The following RBFOX1 variants were observed in gnomAD, a reference collection of about 807,000 sequenced individuals.
RBFOX1 encodes RNA binding fox-1 homolog 1.
RBFOX1 carries 8 observed loss-of-function variants against 57.7 expected under a neutral mutation model. That is an observed-to-expected ratio of 0.14 (90% CI 0.08 to 0.25). The LOEUF is 0.25. Among genes scored for constraint, RBFOX1 ranks in the 10% least tolerant of loss-of-function variants. RBFOX1 has a pLI of 1.00. For missense variants in RBFOX1, 611 were observed against 548.5 expected (o/e 1.11, Z -1.14); for synonymous variants, 326 against 222.4 (o/e 1.47, Z -4.15).
chr16:7,148,402 T>C (rs1286796682), intron 4 of RBFOX1, among the ~76,000 whole-genome samples: 1 of 152,218 alleles, frequency 6.6e-6, no homozygotes, highest in African/African-American at 2.4e-5. Flanking sequence ...CTCCCCTCTT[T>C]TGAATTTTCA....
At chr16:6,995,761 A>C (rs2092157480) in intron 3 of RBFOX1, among the ~76,000 whole-genome samples, 1 of 152,048 alleles carries the variant, frequency 6.6e-6, no homozygotes, top group Admixed American at 6.6e-5. Flanking sequence ...ACTCCATCTT[A>C]AAAAAATAAT....
In RBFOX1 at chr16:7,518,324, G is replaced by A. The variant is rs754708372; in HGVS notation, c.205G>A (p.Ala69Thr). ...PEHTLNLYPP[A>T]QTHSEQSPAD... ...GCACACATTAAACCTGTACCCTCCC[G>A]CCCAGACGCACTCCGAGCAGAGCCC... Residue 69 changes from alanine (A) to threonine (T), a missense_variant, in exon 5 of 16, where the codon GCC becomes ACC. By Grantham distance (58) the Ala-to-Thr change is moderately conservative (BLOSUM62 0). This residue lies in a region of RBFOX1 where 245 missense variants were observed against 159.1 expected (regional missense o/e 1.54). Transcript: ENST00000550418. The A allele has an allele frequency of 1.7e-5, 27 of 1,613,766 alleles. No homozygotes were observed. Among genetic ancestry groups the A allele is most frequent in the East Asian group, 2.2e-5 (1 of 44,868 alleles).
At chr16:6,093,862 C>A (rs1477307723) in intron 1 of RBFOX1, among the ~76,000 whole-genome samples, 1 of 151,950 alleles carries the variant, frequency 6.6e-6, no homozygotes, top group South Asian at 2.1e-4. Flanking sequence ...TCAAGCAATT[C>A]TCCCTCCTCC....
intron 1 of RBFOX1, among the ~76,000 whole-genome samples, chr16:6,157,527 T>G (rs1483006948): frequency 1.3e-5 from 2 of 152,232 alleles, no homozygotes; most frequent in African/African-American, 4.8e-5. Flanking sequence ...CTGCCAGGAC[T>G]ACATGCTTTT....
chr16:7,221,741 G>T (rs1016482505), intron 4 of RBFOX1, among the ~76,000 whole-genome samples: 10 of 152,176 alleles, frequency 6.6e-5, no homozygotes, highest in African/African-American at 2.4e-4. Flanking sequence ...TTTCAGTGTG[G>T]TTATTCAATG....
chr16:6,478,761 G>A lies in RBFOX1; in HGVS notation c.-64+161704G>A, dbSNP rs536915375. On this transcript the variant is annotated intron_variant, in intron 2 of 15. Coordinates refer to ENST00000550418, the MANE Select transcript of RBFOX1 (RefSeq NM_018723.4). ...GAGCAGGGGGAATGGCCTGTCAGTG[G>A]AACAGTCAGAACACACACAATCTTT... is the stretch of plus-strand genomic sequence containing the variant. 6.6e-5 allele frequency among the ~76,000 whole-genome samples: 10 copies of A among 152,026 alleles called. No homozygotes were observed. The South Asian group carries it at 2.1e-3, about 32-fold the overall frequency.
At chr16:6,603,582 T>G (rs1217015951) in intron 2 of RBFOX1, among the ~76,000 whole-genome samples, 1 of 152,108 alleles carries the variant, frequency 6.6e-6, no homozygotes, top group Non-Finnish European at 1.5e-5. Context: ...CCTCTTGGGG[T>G]AGGCTCTGGG....
At chr16:6,938,765 G>T (rs192841750) in intron 3 of RBFOX1, among the ~76,000 whole-genome samples, 40 of 152,110 alleles carry the variant, frequency 2.6e-4, no homozygotes, top group African/African-American at 8.9e-4. Context: ...AACCCTGTCT[G>T]TACTAAAAAT....
chr16:6,849,499 C>G (rs1003967741), intron 3 of RBFOX1, among the ~76,000 whole-genome samples: 3 of 152,128 alleles, frequency 2.0e-5, no homozygotes, highest in Non-Finnish European at 2.9e-5. Context: ...AAAACCCTAT[C>G]TCTACTAAAC....
chr16:7,097,556 A>G (rs1219371526), intron 4 of RBFOX1, among the ~76,000 whole-genome samples: 1 of 152,186 alleles, frequency 6.6e-6, no homozygotes, highest in African/African-American at 2.4e-5. Flanking sequence ...CTAGGATTTT[A>G]AGCACCTCTC....
At chr16:5,658,817 AATATATGTATATATG>A (rs2049546910) in intron 3 of RBFOX1, among the ~76,000 whole-genome samples, 1 of 146,096 alleles carries the variant, frequency 6.8e-6, no homozygotes, top group African/African-American at 2.6e-5. Flanking sequence ...ATGTATATAT[AATATATGTATATATG>A]TATATATATA....
intron 1 of RBFOX1, among the ~76,000 whole-genome samples, chr16:6,099,620 C>G (rs555528355): frequency 5.9e-5 from 9 of 152,274 alleles, no homozygotes; most frequent in African/African-American, 2.2e-4. Context: ...AGTGGCTGTA[C>G]AACAAGCTGT....
At chr16:6,737,802 T>G (rs780146211) in intron 3 of RBFOX1, among the ~76,000 whole-genome samples, 1 of 152,212 alleles carries the variant, frequency 6.6e-6, no homozygotes, top group Admixed American at 6.5e-5. Context: ...CAAGATTGTT[T>G]ATATTTCATT....
At chr16:6,591,907 A>C (rs2097716482) in intron 2 of RBFOX1, among the ~76,000 whole-genome samples, 1 of 152,212 alleles carries the variant, frequency 6.6e-6, no homozygotes, top group Non-Finnish European at 1.5e-5. Flanking sequence ...TGTGAACTGG[A>C]ATTTTATATT....
intron 3 of RBFOX1, among the ~76,000 whole-genome samples, chr16:6,980,519 A>C (rs2088472878): frequency 6.6e-6 from 1 of 152,318 alleles, no homozygotes; most frequent in Admixed American, 6.5e-5. Flanking sequence ...TTATCCATGA[A>C]CAGAAAAGTG....
At chr16:6,664,160 C>T (rs1484540264) in intron 3 of RBFOX1, among the ~76,000 whole-genome samples, 1 of 152,176 alleles carries the variant, frequency 6.6e-6, no homozygotes, top group Non-Finnish European at 1.5e-5. Context: ...TCTGGTCCAG[C>T]CATCTCTAGC....
chr16:6,413,074 C>A (rs2093513323), intron 2 of RBFOX1, among the ~76,000 whole-genome samples: 2 of 152,192 alleles, frequency 1.3e-5, no homozygotes, highest in African/African-American at 4.8e-5. Flanking sequence ...AATCCCAGCA[C>A]TTTGGGAGGC....
At chr16:7,522,530 AC>A (rs1260118822) in intron 5 of RBFOX1, among the ~76,000 whole-genome samples, 1 of 152,182 alleles carries the variant, frequency 6.6e-6, no homozygotes, top group East Asian at 1.9e-4. Context: ...TTGAGGAATA[AC>A]TGTGATATGT....
chr16:6,555,932 A>G (rs1485811998), intron 2 of RBFOX1, among the ~76,000 whole-genome samples: 1 of 152,122 alleles, frequency 6.6e-6, no homozygotes. Context: ...CATTCGGAAT[A>G]TAGGAGGATC....
Sources: gnomAD v4.1 joint callset for allele counts (sites outside exome capture counted in the v4.1 genomes callset) on GRCh38, gnomAD v4.1.1 for gene constraint, gnomAD v4.1.1 regional missense constraint, MANE v1.5 for transcripts, NCBI Gene and HGNC (gene_info 2026-07-23, HGNC 2026-07-21) for gene names.